RASGEF1C: variants seen among roughly 807,000 people sequenced by gnomAD.
RASGEF1C encodes the protein ras-GEF domain-containing family member 1C.
Under a neutral mutation model 58.1 loss-of-function variants are expected in RASGEF1C, and 27 were observed. The observed-to-expected ratio is 0.46, with a 90% CI of 0.34 to 0.64. RASGEF1C has a LOEUF of 0.64. RASGEF1C is among the 30% of genes least tolerant of loss of function. RASGEF1C has a pLI of 0.01. For missense variants in RASGEF1C, 502 were observed against 605.1 expected (o/e 0.83, Z 1.79); for synonymous variants, 243 against 246.3 (o/e 0.99, Z 0.13).
intron 1 of RASGEF1C, among the ~76,000 whole-genome samples, chr5:180,183,999 C>T (rs918170810): frequency 6.7e-6 from 1 of 149,934 alleles, no homozygotes; most frequent in Non-Finnish European, 1.5e-5. Flanking sequence ...TAGTAAAACT[C>T]CATCTTTACT....
At chr5:180,111,322 G>C in intron 12 of RASGEF1C, 135 bp downstream of exon 12, 4 of 1,184,514 alleles carry the variant, frequency 3.4e-6, no homozygotes, top group Non-Finnish European at 3.6e-6. Flanking sequence ...AGCCCTCCTT[G>C]TTCCCTCCCG....
chr5:180,140,661 G>A (rs929002979), intron 1 of RASGEF1C, among the ~76,000 whole-genome samples: 1 of 152,192 alleles, frequency 6.6e-6, no homozygotes, highest in Non-Finnish European at 1.5e-5. Flanking sequence ...GCCTCTGCAT[G>A]AGGACAGCTG....
At position 180,181,934 on chromosome 5, in the gene RASGEF1C, T is replaced by C. The variant is rs1011376517; in HGVS notation, c.-7+27094A>G. Among the ~76,000 whole-genome samples the C allele has an allele frequency of 7.3e-5, 11 of 150,856 alleles. No homozygotes were observed. In the South Asian group the frequency reaches 2.1e-3, roughly 29 times the overall value. ...GAATGAAGCCATGGGCCGGGCGCAGTGGCTCACGCCTGTAATCCTAGCACT... is the reference window on the plus strand; with the variant it reads ...GAATGAAGCCATGGGCCGGGCGCAGCGGCTCACGCCTGTAATCCTAGCACT... On this transcript the variant is annotated intron_variant, in intron 1 of 13. Coordinates refer to ENST00000361132, the MANE Select transcript of RASGEF1C (RefSeq NM_175062.4).
chr5:180,186,762 T>G (rs1756050049), intron 1 of RASGEF1C, among the ~76,000 whole-genome samples: 1 of 152,134 alleles, frequency 6.6e-6, no homozygotes, highest in Non-Finnish European at 1.5e-5. Context: ...AGGTCAGAGT[T>G]CAAGACCAGC....
chr5:180,119,048 C>T (rs533152091), intron 8 of RASGEF1C, among the ~76,000 whole-genome samples, 182 bp from the exon 9 acceptor site: 3 of 152,346 alleles, frequency 2.0e-5, no homozygotes, highest in African/African-American at 7.2e-5. Flanking sequence ...TGCCACCATG[C>T]TGGTCCCATT....
intron 1 of RASGEF1C, among the ~76,000 whole-genome samples, chr5:180,208,229 C>A (rs192452515): frequency 2.0e-5 from 3 of 152,262 alleles, no homozygotes; most frequent in Admixed American, 6.5e-5. Context: ...TCCCAGGACT[C>A]TTCTCAGGCT....
intron 1 of RASGEF1C, among the ~76,000 whole-genome samples, chr5:180,173,876 G>C (rs146242008): frequency 0.024 from 3,523 of 149,070 alleles, 62 homozygotes; most frequent in East Asian, 0.042. Flanking sequence ...TTGTGCCACT[G>C]CACTCCAGCC....
At chr5:180,146,618 T>G (rs569508551) in intron 1 of RASGEF1C, among the ~76,000 whole-genome samples, 2 of 152,174 alleles carry the variant, frequency 1.3e-5, no homozygotes, top group Non-Finnish European at 2.9e-5. Flanking sequence ...TTGTATTACA[T>G]TGATTGATTT....
At chr5:180,186,958 C>T (rs1402333417) in intron 1 of RASGEF1C, among the ~76,000 whole-genome samples, 4 of 152,056 alleles carry the variant, frequency 2.6e-5, no homozygotes, top group Admixed American at 6.6e-5. Flanking sequence ...AACAAACAAA[C>T]AAACAAACAA....
chr5:180,136,307 C>T lies in RASGEF1C; in HGVS notation c.438+71G>A, dbSNP rs547891438. ...GTGGGGAGATGAGGGCCCTGGGGTG[C>T]GGGCCGGGAACAGGCGCAGGCCTGG... On this transcript the variant is annotated intron_variant, in intron 4 of 13. Coordinates refer to ENST00000361132, the MANE Select transcript of RASGEF1C (RefSeq NM_175062.4). 9.8e-4 allele frequency: 1,406 copies of T among 1,438,916 alleles called. 1 individual carries two copies. Among genetic ancestry groups the T allele is most frequent in the Non-Finnish European group, 1.2e-3 (1,317 of 1,067,236 alleles). 89.1% of individuals were successfully genotyped at this position (1,438,916 alleles called of 1,614,324 possible).
intron 1 of RASGEF1C, among the ~76,000 whole-genome samples, chr5:180,185,857 G>T (rs971656058): frequency 6.6e-6 from 1 of 151,960 alleles, no homozygotes; most frequent in African/African-American, 2.4e-5. Flanking sequence ...CAGCACTTTG[G>T]GAGGCTAAGG....
chr5:180,161,033 C>T (rs139672621), intron 1 of RASGEF1C, among the ~76,000 whole-genome samples: 64 of 152,312 alleles, frequency 4.2e-4, no homozygotes, highest in African/African-American at 1.5e-3. Flanking sequence ...CGGGAAGGGG[C>T]CCATCACTAA....
intron 1 of RASGEF1C, among the ~76,000 whole-genome samples, chr5:180,163,818 CT>C (rs1328403920): frequency 6.6e-6 from 1 of 152,144 alleles, no homozygotes; most frequent in Non-Finnish European, 1.5e-5. Flanking sequence ...TGTGTTATTT[CT>C]TCATTAAATG....
chr5:180,174,487 T>C (rs62406134), intron 1 of RASGEF1C, among the ~76,000 whole-genome samples: 55,802 of 124,590 alleles, frequency 0.45, 10,677 homozygotes, highest in African/African-American at 0.51. Flanking sequence ...TGTCTGTGTG[T>C]GCGCGTGTGT....
chr5:180,197,796 G>A lies in RASGEF1C; in HGVS notation c.-7+11232C>T, dbSNP rs1169206348. ...ATTATTTAGCCAGATTGGCACTTTT[G>A]AACACTGTCTGGATTTTAAAACAAA... On this transcript the variant is annotated intron_variant, in intron 1 of 13. Coordinates refer to ENST00000361132, the MANE Select transcript of RASGEF1C (RefSeq NM_175062.4). This position sits in a 1 kb window ranked among gnomAD's most constrained non-coding sequence, Gnocchi z 4.7. Among the ~76,000 whole-genome samples the A allele has an allele frequency of 5.9e-5, 9 of 152,168 alleles. No individual in the cohort carries two copies. The highest frequency in any genetic ancestry group is 2.6e-4 in the Admixed American group (4 of 15,276).
intron 1 of RASGEF1C, among the ~76,000 whole-genome samples, 174 bp downstream of exon 1, chr5:180,208,854 A>T (rs1756542077): frequency 1.3e-5 from 2 of 150,736 alleles, no homozygotes; most frequent in Admixed American, 1.3e-4. Flanking sequence ...CCGCGCCTCC[A>T]GTCCCGGCGG....
intron 1 of RASGEF1C, among the ~76,000 whole-genome samples, chr5:180,181,538 G>T (rs1034395017): frequency 6.6e-6 from 1 of 152,182 alleles, no homozygotes; most frequent in African/African-American, 2.4e-5. Context: ...AGAAGACGTG[G>T]GCACACAGGA....
At chr5:180,199,979 G>A (rs1756354492) in intron 1 of RASGEF1C, among the ~76,000 whole-genome samples, 1 of 152,192 alleles carries the variant, frequency 6.6e-6, no homozygotes, top group Non-Finnish European at 1.5e-5. Flanking sequence ...GTTAAAAATC[G>A]GGTCGGACGT....
chr5:180,173,947 T>G (rs1767166930), intron 1 of RASGEF1C, among the ~76,000 whole-genome samples: 1 of 148,866 alleles, frequency 6.7e-6, no homozygotes, highest in Admixed American at 6.7e-5. Flanking sequence ...ACCTGCGCAA[T>G]TTTTCATTCA....
Sources: allele counts gnomAD v4.1 joint callset (sites outside exome capture counted in the v4.1 genomes callset), GRCh38; gene constraint gnomAD v4.1.1; non-coding constraint Gnocchi (gnomAD v3.1); transcripts MANE v1.5; gene names NCBI Gene and HGNC (gene_info 2026-07-23, HGNC 2026-07-21).